The following ZFPM2 variants were observed in gnomAD, a reference collection of about 807,000 sequenced individuals.
The protein encoded by ZFPM2 is zinc finger protein ZFPM2.
ZFPM2 carries 20 observed loss-of-function variants against 98.6 expected under a neutral mutation model. That is an observed-to-expected ratio of 0.20 (90% CI 0.14 to 0.29). The LOEUF (loss-of-function observed/expected upper bound fraction) is 0.29. Ranked by LOEUF, ZFPM2 falls within the 10% of genes least tolerant of loss-of-function variation. The pLI, the probability that ZFPM2 is intolerant of heterozygous loss-of-function variation, is 1.00. For synonymous variants in ZFPM2, 518 were observed against 502.7 expected, an observed-to-expected ratio of 1.03 and a Z score of -0.41; for missense variants, 1,310 against 1,388.6, an observed-to-expected ratio of 0.94 and a Z score of 0.90.
chr8:105,576,544 G>C (rs1463015102), intron 4 of ZFPM2, among the ~76,000 whole-genome samples: 1 of 151,962 alleles, frequency 6.6e-6, no homozygotes, highest in Non-Finnish European at 1.5e-5. Context: ...CTTAACTATT[G>C]GTTAAAATAA....
intron 4 of ZFPM2, among the ~76,000 whole-genome samples, chr8:105,593,780 A>G (rs7015353): frequency 0.31 from 46,518 of 151,984 alleles, 7,451 homozygotes; most frequent in South Asian, 0.4. Flanking sequence ...TTGAGTTTGT[A>G]GATTTTAATC....
At chr8:105,518,939 G>A (rs1586431528) in intron 3 of ZFPM2, among the ~76,000 whole-genome samples, 1 of 152,136 alleles carries the variant, frequency 6.6e-6, no homozygotes, top group African/African-American at 2.4e-5. Flanking sequence ...AAACTGTTTT[G>A]ATATGTGTTA....
chr8:105,611,700 A>T (rs567957490), intron 4 of ZFPM2, among the ~76,000 whole-genome samples: 52 of 143,588 alleles, frequency 3.6e-4, no homozygotes, highest in Middle Eastern at 7.4e-3. Flanking sequence ...ACAAAAAAAA[A>T]TTTTTTTTTT....
At chr8:105,518,784 T>C (rs1368881430) in intron 3 of ZFPM2, among the ~76,000 whole-genome samples, 1 of 152,214 alleles carries the variant, frequency 6.6e-6, no homozygotes, top group Admixed American at 6.5e-5. Context: ...GACTTCTACA[T>C]TTTGGAATAA....
intron 4 of ZFPM2, among the ~76,000 whole-genome samples, chr8:105,581,999 C>T (rs1228690972): frequency 1.3e-5 from 2 of 152,194 alleles, no homozygotes; most frequent in Non-Finnish European, 2.9e-5. Flanking sequence ...CTGTTAGGAT[C>T]AGACATTAGT....
intron 5 of ZFPM2, among the ~76,000 whole-genome samples, chr8:105,758,120 A>G (rs986146882): frequency 6.6e-6 from 1 of 152,152 alleles, no homozygotes; most frequent in Non-Finnish European, 1.5e-5. Flanking sequence ...AATAATATAA[A>G]TAGGAGACAA....
At chr8:105,612,198 AT>A (rs1301427559) in intron 4 of ZFPM2, among the ~76,000 whole-genome samples, 1 of 152,162 alleles carries the variant, frequency 6.6e-6, no homozygotes, top group Non-Finnish European at 1.5e-5. Flanking sequence ...TTTCCCAGGG[AT>A]TTATAAACTA....
intron 3 of ZFPM2, among the ~76,000 whole-genome samples, chr8:105,490,225 A>C (rs6996289): frequency 0.96 from 146,289 of 152,124 alleles, 70,415 homozygotes; most frequent in East Asian, 1. Context: ...CCAGCATGGG[A>C]GACAGAGGGA....
chr8:105,438,420 T>C (rs565571789), intron 2 of ZFPM2, among the ~76,000 whole-genome samples: 9 of 152,372 alleles, frequency 5.9e-5, no homozygotes, highest in Admixed American at 5.2e-4. Flanking sequence ...TTTGTATCAC[T>C]TCTGTTTAAC....
chr8:105,400,999 A>G (rs1412697677), intron 1 of ZFPM2, among the ~76,000 whole-genome samples: 1 of 152,006 alleles, frequency 6.6e-6, no homozygotes, highest in Non-Finnish European at 1.5e-5. Context: ...GGAATTTTAA[A>G]ATTGAAGACC....
At chr8:105,403,522 T>G (rs1052818863) in intron 1 of ZFPM2, among the ~76,000 whole-genome samples, 1 of 152,112 alleles carries the variant, frequency 6.6e-6, no homozygotes, top group African/African-American at 2.4e-5. Context: ...AAACATGAAG[T>G]AGATTTTTTA....
intron 1 of ZFPM2, among the ~76,000 whole-genome samples, chr8:105,349,217 T>A (rs1812596524): frequency 6.6e-6 from 1 of 152,184 alleles, no homozygotes; most frequent in Non-Finnish European, 1.5e-5. Flanking sequence ...ATGAAGCTAT[T>A]CGGGCTTGTA....
At chr8:105,419,985 C>T (rs3779767) in intron 2 of ZFPM2, among the ~76,000 whole-genome samples, 65,265 of 151,594 alleles carry the variant, frequency 0.43, 15,468 homozygotes, top group African/African-American at 0.64. Flanking sequence ...GTTTAAGGTT[C>T]CTCATGATTC....
Position 105,568,575 on chromosome 8 carries a change from C to T in ZFPM2, c.420+7094C>T, listed in dbSNP as rs117536395. Among the ~76,000 whole-genome samples, 416 of 152,312 alleles carry T rather than the reference C, an allele frequency of 2.7e-3. 4 individuals carry two copies. The highest frequency in any genetic ancestry group is 0.011 in the South Asian group (55 of 4,826). ...AACCAAGCATCATAACTCCTGCTTT[C>T]GTAATGATTGTTCTCCTCTTTCTGT... On this transcript the variant is annotated intron_variant, in intron 4 of 7. Transcript: ENST00000407775.
chr8:105,695,995 A>G (rs766322318), intron 5 of ZFPM2, among the ~76,000 whole-genome samples: 4 of 152,210 alleles, frequency 2.6e-5, no homozygotes, highest in Non-Finnish European at 5.9e-5. Context: ...GGCCTAGATT[A>G]TATTTTTCCC....
chr8:105,370,839 A>T (rs1182759230), intron 1 of ZFPM2, among the ~76,000 whole-genome samples: 1 of 152,238 alleles, frequency 6.6e-6, no homozygotes, highest in Admixed American at 6.5e-5. Context: ...CTGGTAATGT[A>T]CAGATCTGGG....
intron 1 of ZFPM2, among the ~76,000 whole-genome samples, chr8:105,344,931 TAAAC>T: frequency 6.6e-6 from 1 of 152,214 alleles, no homozygotes; most frequent in African/African-American, 2.4e-5. Flanking sequence ...AAGAAATAAT[TAAAC>T]AACAATAAGA....
rs192573252 is a variant in ZFPM2, at chr8:105,778,284, T to C, written c.533-10434T>C. 3.7e-4 allele frequency among the ~76,000 whole-genome samples: 56 copies of C among 152,282 alleles called. 1 individual carries two copies. The highest frequency in any genetic ancestry group is 1.1e-3 in the African/African-American group (47 of 41,570). On this transcript the variant is annotated intron_variant, in intron 5 of 7. Transcript: ENST00000407775. Reference sequence around the variant, plus strand: ...ATGCGATGTTGAAATGGGACAGTTATTTAGCTTTTAAGGAATTTTTCTGAC... The same window carrying C: ...ATGCGATGTTGAAATGGGACAGTTACTTAGCTTTTAAGGAATTTTTCTGAC...
chr8:105,515,663 G>A (rs1206074160), intron 3 of ZFPM2, among the ~76,000 whole-genome samples: 2 of 152,126 alleles, frequency 1.3e-5, no homozygotes, highest in Non-Finnish European at 2.9e-5. Flanking sequence ...AAATGGCAAA[G>A]GATTATGATG....
Sources: allele counts gnomAD v4.1 joint callset (sites outside exome capture counted in the v4.1 genomes callset), GRCh38; gene constraint gnomAD v4.1.1; transcripts MANE v1.5; gene names NCBI Gene and HGNC (gene_info 2026-07-23, HGNC 2026-07-21).